ATL2: variants seen among roughly 807,000 people sequenced by gnomAD.
The protein encoded by ATL2 is atlastin GTPase 2, also known as atlastin-2.
In ATL2, 31 loss-of-function variants were observed where a neutral mutation model predicts 73.9. That is an observed-to-expected ratio of 0.42 (90% CI 0.32 to 0.57). The LOEUF is 0.57. ATL2 is among the 20% of genes least tolerant of loss of function. The pLI is 0.14. For missense variants in ATL2, 738 were observed against 702.6 expected, an observed-to-expected ratio of 1.05 and a Z score of -0.57; for synonymous variants, 291 against 237.5, an observed-to-expected ratio of 1.23 and a Z score of -2.07.
chr2:38,314,995 T>C (rs1227396896), intron 5 of ATL2, among the ~76,000 whole-genome samples: 1 of 152,260 alleles, frequency 6.6e-6, no homozygotes, highest in East Asian at 1.9e-4. Context: ...TCACGCCGGG[T>C]AATCCCAGCA....
chr2:38,333,270 C>T lies in ATL2; in HGVS notation c.363+9998G>A, dbSNP rs1056381180. 6.6e-5 allele frequency among the ~76,000 whole-genome samples: 10 copies of T among 152,174 alleles called. No individual in the cohort carries two copies. The South Asian group carries it at 2.1e-3, about 32-fold the overall frequency. On this transcript the variant is annotated intron_variant, in intron 2 of 12. Coordinates refer to ENST00000378954, the MANE Select transcript of ATL2 (RefSeq NM_001135673.4). ...TGCCTCTTCACTCCAGCCTGGGCAA[C>T]AGAGCGAGACGATATCTCTAAAAAA...
At position 38,360,402 on chromosome 2, in the gene ATL2, C is replaced by A. The variant is rs1164238819; in HGVS notation, c.118+16741G>T. 2.6e-5 allele frequency among the ~76,000 whole-genome samples: 4 copies of A among 152,006 alleles called. No individual in the cohort carries two copies. In the South Asian group the frequency reaches 8.3e-4, roughly 31 times the overall value. ...CAAGGCTCAAGACATCCTCCCATCT[C>A]AGCTTTCTGAGTAGCTGGGACCACA... On this transcript the variant is annotated intron_variant, in intron 1 of 12. Transcript: ENST00000378954.
intron 2 of ATL2, among the ~76,000 whole-genome samples, chr2:38,319,442 T>C (rs1466580052): frequency 6.6e-6 from 1 of 151,406 alleles, no homozygotes; most frequent in Admixed American, 6.6e-5. Flanking sequence ...TTACAAAAAG[T>C]ACAAAAATTA....
At chr2:38,352,069 C>A (rs1220381477) in intron 1 of ATL2, among the ~76,000 whole-genome samples, 1 of 143,624 alleles carries the variant, frequency 7.0e-6, no homozygotes, top group Non-Finnish European at 1.5e-5. Flanking sequence ...CAAGATCGCG[C>A]CATTGCACTC....
intron 1 of ATL2, among the ~76,000 whole-genome samples, chr2:38,351,667 T>C (rs1670354674): frequency 6.6e-6 from 1 of 151,976 alleles, no homozygotes; most frequent in Non-Finnish European, 1.5e-5. Context: ...CTAATTCTTT[T>C]GTATTTTTAC....
chr2:38,365,922 G>C (rs1671297328), intron 1 of ATL2, among the ~76,000 whole-genome samples: 1 of 151,882 alleles, frequency 6.6e-6, no homozygotes, highest in Non-Finnish European at 1.5e-5. Context: ...ACTCCAGCCT[G>C]GGCGACAAGA....
intron 1 of ATL2, among the ~76,000 whole-genome samples, chr2:38,369,857 TA>T (rs200929811): frequency 2.6e-5 from 4 of 150,950 alleles, no homozygotes; most frequent in African/African-American, 9.7e-5. Flanking sequence ...GATTTGTCAT[TA>T]AAAAAAATCA....
At chr2:38,343,067 G>A (rs548508579) in intron 2 of ATL2, among the ~76,000 whole-genome samples, 3 of 143,194 alleles carry the variant, frequency 2.1e-5, no homozygotes, top group Non-Finnish European at 4.5e-5. Flanking sequence ...AGGATTGCTT[G>A]AGATTGGGAG....
intron 5 of ATL2, 46 bp downstream of exon 5, chr2:38,315,238 C>A (rs753068589): frequency 1.4e-6 from 2 of 1,414,020 alleles, no homozygotes; most frequent in Non-Finnish European, 1.8e-6. Flanking sequence ...GGAACAAGAG[C>A]GAAACTCCAT....
At chr2:38,363,437 C>T (rs938754557) in intron 1 of ATL2, among the ~76,000 whole-genome samples, 1 of 151,728 alleles carries the variant, frequency 6.6e-6, no homozygotes, top group Non-Finnish European at 1.5e-5. Context: ...CAAAAATTCC[C>T]TAGTTAATAT....
chr2:38,373,109 G>C (rs1297619997), intron 1 of ATL2, among the ~76,000 whole-genome samples: 1 of 152,096 alleles, frequency 6.6e-6, no homozygotes, highest in East Asian at 1.9e-4. Flanking sequence ...CCTTGTTACG[G>C]ATTATCACTA....
intron 1 of ATL2, among the ~76,000 whole-genome samples, chr2:38,360,786 T>C (rs542195975): frequency 6.2e-4 from 94 of 152,294 alleles, no homozygotes; most frequent in Non-Finnish European, 1.1e-3. Context: ...ACCAGATTTT[T>C]AAAGAATGAG....
At chr2:38,324,361 AAATCTTC>A (rs1292413734) in intron 2 of ATL2, among the ~76,000 whole-genome samples, 1 of 152,182 alleles carries the variant, frequency 6.6e-6, no homozygotes, top group Non-Finnish European at 1.5e-5. Flanking sequence ...CCACAAATGA[AAATCTTC>A]ATGTGTATAA....
chr2:38,354,572 AAAAG>A (rs1354870270), intron 1 of ATL2, among the ~76,000 whole-genome samples: 64 of 151,838 alleles, frequency 4.2e-4, no homozygotes, highest in Non-Finnish European at 2.9e-5. Flanking sequence ...AAAACAAACA[AAAAG>A]AAAAAAGGTA....
chr2:38,309,449 G>A lies in ATL2; in HGVS notation c.1001C>T (p.Pro334Leu). 6.2e-7 allele frequency: 1 copy of A among 1,612,482 alleles called. No individual in the cohort carries two copies. The highest frequency in any genetic ancestry group is 1.1e-5 in the South Asian group (1 of 91,006). Reference sequence around the variant, plus strand: ...TATCTCTTTTTCTACCAAATTTTCAGGGGCAAGCAGCAATGGAACCAGATT... The same window carrying A: ...TATCTCTTTTTCTACCAAATTTTCAAGGGCAAGCAGCAATGGAACCAGATT... The part of the protein sequence containing the change: ...LRNLVPLLLA[P>L]ENLVEKEISG... Residue 334 changes from proline (P) to leucine (L), a missense_variant, in exon 9 of 13, where the codon CCT becomes CTT. Transcript: ENST00000378954.
rs530195551 is a variant in ATL2 at position 38,296,038 on chromosome 2, G to C, written c.1708C>G (p.Leu570Val). 1.3e-6 allele frequency: 2 copies of C among 1,551,752 alleles called. No individual in the cohort carries two copies. The highest frequency in any genetic ancestry group is 1.4e-5 in the African/African-American group (1 of 73,158). ...GCATGATGAGACACCTGGTCAGTCA[G>C]GCCTGCTTTGATAGAGTTTGTTACA... ...QSVTNSIKAGLTDQVSHHARL... is the reference protein window; with the variant it reads ...QSVTNSIKAGVTDQVSHHARL... Residue 570 changes from leucine to valine, a missense_variant, in exon 13 of 13, where the codon CTG becomes GTG. Coordinates refer to ENST00000378954, the MANE Select transcript of ATL2 (RefSeq NM_001135673.4).
chr2:38,334,504 C>A (rs536411422), intron 2 of ATL2, among the ~76,000 whole-genome samples: 76 of 151,902 alleles, frequency 5.0e-4, no homozygotes, highest in Middle Eastern at 6.8e-3. Context: ...GAGTTCAAGA[C>A]CAGCCTCAAC....
At chr2:38,348,457 A>C (rs1670151946) in intron 1 of ATL2, among the ~76,000 whole-genome samples, 2 of 146,926 alleles carry the variant, frequency 1.4e-5, no homozygotes, top group African/African-American at 5.4e-5. Context: ...CAAGAGCGAA[A>C]CTCCATCTCA....
chr2:38,356,797 T>C (rs921618814), intron 1 of ATL2, among the ~76,000 whole-genome samples: 2 of 151,240 alleles, frequency 1.3e-5, no homozygotes, highest in Admixed American at 1.3e-4. Flanking sequence ...TTAATACTCA[T>C]TTCTTTCACT....
Sources: gnomAD v4.1 joint callset for allele counts (sites outside exome capture counted in the v4.1 genomes callset) on GRCh38, gnomAD v4.1.1 for gene constraint, MANE v1.5 for transcripts, NCBI Gene and HGNC (gene_info 2026-07-23, HGNC 2026-07-21) for gene names.